The following CFAP100 variants were observed in gnomAD, a reference collection of about 807,000 sequenced individuals.
CFAP100 encodes the protein cilia- and flagella-associated protein 100.
A neutral mutation model predicts 81.5 loss-of-function variants in CFAP100; 70 were observed. The observed-to-expected ratio is 0.86, with a 90% CI of 0.71 to 1.05. The LOEUF is 1.05. Among genes scored for constraint, CFAP100 ranks in the 50% least tolerant of loss-of-function variants. The pLI, the probability that CFAP100 is intolerant of heterozygous loss-of-function variation, is 0.00. For synonymous variants in CFAP100, 341 were observed against 314.8 expected (o/e 1.08, Z -0.88); for missense variants, 811 against 776.5 (o/e 1.04, Z -0.53).
chr3:126,402,031 T>A (rs562331859), intron 2 of CFAP100, among the ~76,000 whole-genome samples: 1 of 152,306 alleles, frequency 6.6e-6, no homozygotes, highest in South Asian at 2.1e-4. Context: ...CTTTATTTTA[T>A]GTGCTTGTTG....
chr3:126,436,436 G>A lies in CFAP100; in HGVS notation c.*32G>A. ...CAGACCATAGCTGTTCTGGCTGAAG[G>A]CTTAGCAAAGATGTTGGCAGAGGAA... On this transcript the variant is annotated 3_prime_UTR_variant, in exon 17 of 17. Coordinates refer to ENST00000352312, the MANE Select transcript of CFAP100 (RefSeq NM_182628.3). 1 of 1,554,108 alleles carries A rather than the reference G, an allele frequency of 6.4e-7. No individual in the cohort carries two copies.
chr3:126,404,549 C>T (rs2083033645), intron 2 of CFAP100, among the ~76,000 whole-genome samples: 1 of 152,160 alleles, frequency 6.6e-6, no homozygotes, highest in Non-Finnish European at 1.5e-5. Flanking sequence ...GTCATGGGGT[C>T]CTGGGTGCCA....
chr3:126,398,345 G>T (rs893252561), intron 2 of CFAP100, among the ~76,000 whole-genome samples: 2 of 152,248 alleles, frequency 1.3e-5, no homozygotes, highest in African/African-American at 4.8e-5. Flanking sequence ...CCCTGCCTGA[G>T]CCTCACTGTG....
At chr3:126,433,346 TC>T in intron 14 of CFAP100, 142 bp downstream of exon 14, 1 of 974,224 alleles carries the variant, frequency 1.0e-6, no homozygotes, top group Non-Finnish European at 1.5e-6. Flanking sequence ...CCTGCCTCCC[TC>T]CAGGAGCCAC....
At chr3:126,420,499 C>A (rs921246330) in intron 11 of CFAP100, 1 of 499,264 alleles carries the variant, frequency 2.0e-6, no homozygotes. Flanking sequence ...TGAATAATTT[C>A]GGGCTCTTGG....
rs907166602 is a variant in CFAP100, at chr3:126,436,483, G to C, written c.*79G>C. 13 of 1,052,574 alleles carry C rather than the reference G, an allele frequency of 1.2e-5. No individual in the cohort carries two copies. The highest frequency in any genetic ancestry group is 2.5e-4 in the Middle Eastern group (1 of 4,008). The allele number at this position is 1,052,574 out of a possible 1,614,324, so 65.2% of individuals were successfully genotyped here. On this transcript the variant is annotated 3_prime_UTR_variant, in exon 17 of 17. Coordinates refer to ENST00000352312, the MANE Select transcript of CFAP100 (RefSeq NM_182628.3). ...GGAAGCAGAGACTGGGCTGGGTCTCGAGTGGCCCAACTGAGTCCTCTCTGT... is the reference window on the plus strand; with the variant it reads ...GGAAGCAGAGACTGGGCTGGGTCTCCAGTGGCCCAACTGAGTCCTCTCTGT...
intron 12 of CFAP100, 57 bp downstream of exon 12, chr3:126,423,433 C>G: frequency 6.2e-7 from 1 of 1,608,548 alleles, no homozygotes; most frequent in Non-Finnish European, 8.5e-7. Context: ...TTCCCTGCCC[C>G]CACCCCTGCC....
At chr3:126,434,107 G>A (rs1437765906) in intron 14 of CFAP100, 69 bp from the exon 15 acceptor site, 7 of 1,443,372 alleles carry the variant, frequency 4.8e-6, no homozygotes, top group Admixed American at 1.9e-5. Flanking sequence ...GCAGGCCACC[G>A]CTGAAGGCAC....
In CFAP100 at chr3:126,395,997, C is replaced by A. The variant is rs771195125; in HGVS notation, c.-4C>A. The stretch of plus-strand genomic sequence containing the variant: ...TTGCATCAACCTCTTGGGCCTCAGC[C>A]AAGATGTCTGAGATACCGTCCACTA... On this transcript the variant is annotated 5_prime_UTR_variant, in exon 2 of 17. Coordinates refer to ENST00000352312, the MANE Select transcript of CFAP100 (RefSeq NM_182628.3). The A allele has an allele frequency of 1.5e-5, 25 of 1,613,552 alleles. No individual in the cohort carries two copies. The highest frequency in any genetic ancestry group is 2.1e-5 in the Non-Finnish European group (25 of 1,179,490).
At chr3:126,408,507 G>T (rs2083104592) in intron 3 of CFAP100, among the ~76,000 whole-genome samples, 5 of 152,118 alleles carry the variant, frequency 3.3e-5, no homozygotes, top group Admixed American at 3.3e-4. Context: ...CGCCTCTCCT[G>T]CAGCAAGCCC....
At chr3:126,407,472 T>C (rs972335149) in intron 3 of CFAP100, among the ~76,000 whole-genome samples, 1 of 152,202 alleles carries the variant, frequency 6.6e-6, no homozygotes, top group Non-Finnish European at 1.5e-5. Flanking sequence ...ATGCAGACTT[T>C]CTTGAGGCTC....
intron 2 of CFAP100, among the ~76,000 whole-genome samples, chr3:126,398,421 G>C (rs2082922492): frequency 1.3e-5 from 2 of 152,234 alleles, no homozygotes; most frequent in South Asian, 4.1e-4. Flanking sequence ...CCAGGTACAA[G>C]ACTCCAGAAG....
Position 126,419,619 on chromosome 3 carries a change from C to T in CFAP100, c.732-18C>T, listed in dbSNP as rs779117188. 6.8e-6 allele frequency: 11 copies of T among 1,609,602 alleles called. No homozygotes were observed. The East Asian group carries it at 1.6e-4, about 23-fold the overall frequency. ...GCTGACCTCCTCCTTCCCACATCCT[C>T]ACCCCGCCCCGGTGTAGTGAGATCT... On this transcript the variant is annotated intron_variant, in intron 8 of 16. Transcript: ENST00000352312.
Position 126,420,123 on chromosome 3 carries a change from C to G in CFAP100, c.976C>G (p.Pro326Ala). Reference protein sequence around the residue: ...WAKEGQGTKKPWRFLQTMRLG... With the variant: ...WAKEGQGTKKAWRFLQTMRLG... ...TCCAGAGGGTCAGGGTACAAAGAAG[C>G]CCTGGAGGTTTCTGCAGACGATGCG... Residue 326 changes from proline to alanine, a missense_variant, in exon 11 of 17, where the codon CCC becomes GCC. Coordinates refer to ENST00000352312, the MANE Select transcript of CFAP100 (RefSeq NM_182628.3). 1 of 1,613,366 alleles carries G rather than the reference C, an allele frequency of 6.2e-7. No individual in the cohort carries two copies.
At position 126,434,375 on chromosome 3, in the gene CFAP100, G is replaced by T; in HGVS notation, c.1622G>T (p.Arg541Leu). Residue 541 changes from arginine (R) to leucine (L), a missense_variant, in exon 15 of 17, where the codon CGC (arginine) becomes CTC (leucine). Transcript: ENST00000352312. The part of the protein sequence containing the change: ...QAERAKEKER[R>L]IRLREEKLQM... ...GAGAGGGCAAAGGAGAAGGAGCGGC[G>T]CATCAGGTGAGCTCTAGGCTCTCCC... 1.2e-6 allele frequency: 2 copies of T among 1,612,512 alleles called. No homozygotes were observed. Among genetic ancestry groups the T allele is most frequent in the Non-Finnish European group, 8.5e-7 (1 of 1,179,314 alleles).
rs750401050 is a variant in CFAP100, at chr3:126,420,213, G to A, written c.1066G>A (p.Gly356Ser). 2.5e-5 allele frequency: 41 copies of A among 1,612,448 alleles called. No homozygotes were observed. Among genetic ancestry groups the A allele is most frequent in the African/African-American group, 4.0e-5 (3 of 75,006 alleles). Reference sequence around the variant, plus strand: ...AGGCAGCCAGCCCAGCGAGTCCAGCGGTGGCGACTCCAGAGGGTGAGTGGG... The same window carrying A: ...AGGCAGCCAGCCCAGCGAGTCCAGCAGTGGCGACTCCAGAGGGTGAGTGGG... ...QQGSQPSESS[G>S]GDSRGSNSPI... Residue 356 changes from glycine to serine, a missense_variant, in exon 11 of 17, where the codon GGT becomes AGT. Physicochemically the swap from Gly to Ser is moderately conservative, Grantham distance 56. Transcript: ENST00000352312.
chr3:126,422,491 C>G (rs953611516), intron 11 of CFAP100, among the ~76,000 whole-genome samples: 2 of 152,316 alleles, frequency 1.3e-5, no homozygotes, highest in African/African-American at 2.4e-5. Context: ...CAGCGCAGCC[C>G]CCCCCACCTC....
At chr3:126,412,437 A>T (rs901964622) in intron 3 of CFAP100, among the ~76,000 whole-genome samples, 12 of 152,162 alleles carry the variant, frequency 7.9e-5, no homozygotes, top group African/African-American at 2.9e-4. Flanking sequence ...GGGGGCTGTT[A>T]CTCAACCAAA....
intron 3 of CFAP100, among the ~76,000 whole-genome samples, chr3:126,408,769 A>G (rs2083109516): frequency 6.6e-6 from 1 of 151,914 alleles, no homozygotes; most frequent in Non-Finnish European, 1.5e-5. Flanking sequence ...GCAGCCATTC[A>G]CCCAATCACC....
Sources: allele counts gnomAD v4.1 joint callset (sites outside exome capture counted in the v4.1 genomes callset), GRCh38; gene constraint gnomAD v4.1.1; transcripts MANE v1.5; gene names NCBI Gene and HGNC (gene_info 2026-07-23, HGNC 2026-07-21).